Variants in G3BP2 observed in about 807,000 individuals in gnomAD.
The protein encoded by G3BP2 is G3BP stress granule assembly factor 2.
Under a neutral mutation model 56.7 loss-of-function variants are expected in G3BP2, and 11 were observed. That is an observed-to-expected ratio of 0.19 (90% CI 0.12 to 0.32). The LOEUF is 0.32. G3BP2 is among the 10% of genes least tolerant of loss of function. The pLI, the probability that G3BP2 is intolerant of heterozygous loss-of-function variation, is 1.00. For missense variants in G3BP2, 340 were observed against 610.9 expected (o/e 0.56, Z 4.67); for synonymous variants, 165 against 191.6 (o/e 0.86, Z 1.15).
intron 3 of G3BP2, among the ~76,000 whole-genome samples, chr4:75,699,958 C>A (rs1190965086): frequency 6.6e-6 from 1 of 151,748 alleles, no homozygotes; most frequent in African/African-American, 2.4e-5. Context: ...TTTTTTAGTT[C>A]TAATCATCGC....
intron 3 of G3BP2, among the ~76,000 whole-genome samples, chr4:75,686,490 G>A (rs1365022115): frequency 6.7e-6 from 1 of 149,346 alleles, no homozygotes; most frequent in Non-Finnish European, 1.5e-5. Context: ...GTGTAAGAAT[G>A]AGCCAGCGAA....
At chr4:75,706,926 C>T (rs1050093333) in intron 3 of G3BP2, among the ~76,000 whole-genome samples, 2 of 152,104 alleles carry the variant, frequency 1.3e-5, no homozygotes, top group African/African-American at 4.8e-5. Context: ...GGCTTGGTGG[C>T]TCATGCCTAT....
rs756683205 is a variant in G3BP2 at position 75,645,453 on chromosome 4, G to A, written c.1426C>T (p.Arg476Cys). 3 of 1,613,750 alleles carry A rather than the reference G, an allele frequency of 1.9e-6. No homozygotes were observed. Among genetic ancestry groups the A allele is most frequent in the Admixed American group, 1.7e-5 (1 of 59,984 alleles). ...SGRGTGQMEG[R>C]FTGQRR ...CTTCAGCGACGCTGTCCTGTGAAGC[G>A]GCCCTCCATTTGCCCGGTTCCTCTT... Residue 476 changes from arginine to cysteine, a missense_variant, in exon 12 of 12, where the codon CGC (arginine) becomes TGC (cysteine). Around this residue, in one of 4 missense-constraint regions of G3BP2, gnomAD observed 94 missense variants for 173.8 expected, o/e 0.54. Coordinates refer to ENST00000359707, the MANE Select transcript of G3BP2 (RefSeq NM_203505.3).
At chr4:75,664,171 C>A (rs1448911982) in intron 1 of G3BP2, among the ~76,000 whole-genome samples, 1 of 151,770 alleles carries the variant, frequency 6.6e-6, no homozygotes, top group African/African-American at 2.4e-5. Context: ...CGTGAGCCAC[C>A]GTGCCCAGCC....
At chr4:75,710,603 C>T (rs114331381) in intron 3 of G3BP2, among the ~76,000 whole-genome samples, 3,576 of 152,148 alleles carry the variant, frequency 0.024, 124 homozygotes, top group African/African-American at 0.081. Context: ...GCTCACTAGC[C>T]GCTTATTTAT....
intron 3 of G3BP2, among the ~76,000 whole-genome samples, chr4:75,707,074 C>G (rs961540889): frequency 3.1e-4 from 47 of 151,058 alleles, no homozygotes; most frequent in African/African-American, 1.1e-3. Context: ...TGCCTGTAAT[C>G]CCAGCTACTC....
chr4:75,685,306 G>A (rs1235134872), intron 3 of G3BP2, among the ~76,000 whole-genome samples: 2 of 151,860 alleles, frequency 1.3e-5, no homozygotes, highest in Non-Finnish European at 2.9e-5. Flanking sequence ...TTTGACACCA[G>A]CCTGGCCAAC....
At chr4:75,716,881 G>A (rs977844591) in intron 3 of G3BP2, among the ~76,000 whole-genome samples, 1 of 152,158 alleles carries the variant, frequency 6.6e-6, no homozygotes, top group Non-Finnish European at 1.5e-5. Flanking sequence ...GAAGCATCAG[G>A]GGACAGAGGC....
chr4:75,653,606 A>AC (rs397994039), intron 8 of G3BP2, among the ~76,000 whole-genome samples: 5 of 150,624 alleles, frequency 3.3e-5, no homozygotes, highest in Non-Finnish European at 5.9e-5. Context: ...AAAAAAAAAA[A>AC]CAAAAACGAT....
At chr4:75,709,390 A>C (rs1577898484) in intron 3 of G3BP2, among the ~76,000 whole-genome samples, 2 of 125,692 alleles carry the variant, frequency 1.6e-5, no homozygotes, top group African/African-American at 6.1e-5. Flanking sequence ...ACCACACTCC[A>C]GCCTGGGCAA....
chr4:75,715,269 T>A (rs1719890348), intron 3 of G3BP2, among the ~76,000 whole-genome samples: 1 of 151,156 alleles, frequency 6.6e-6, no homozygotes, highest in Admixed American at 6.7e-5. Flanking sequence ...GTTTTCAGTA[T>A]TCTGGTATAC....
chr4:75,705,335 A>G (rs1037089110), intron 3 of G3BP2, among the ~76,000 whole-genome samples: 2 of 152,232 alleles, frequency 1.3e-5, no homozygotes, highest in African/African-American at 4.8e-5. Context: ...CCACACAGAG[A>G]AACAAGAGGT....
intron 1 of G3BP2, among the ~76,000 whole-genome samples, chr4:75,671,358 A>G (rs1029648055): frequency 6.6e-6 from 1 of 152,246 alleles, no homozygotes; most frequent in Non-Finnish European, 1.5e-5. Context: ...ATAAACAGCG[A>G]TAATTTTGCA....
At chr4:75,695,246 C>T (rs1719054676) in intron 3 of G3BP2, among the ~76,000 whole-genome samples, 1 of 152,216 alleles carries the variant, frequency 6.6e-6, no homozygotes, top group South Asian at 2.1e-4. Flanking sequence ...TGGCTGCAGC[C>T]ACTCAGGTGC....
chr4:75,645,991 T>C (rs1204430228), intron 11 of G3BP2, among the ~76,000 whole-genome samples: 1 of 152,096 alleles, frequency 6.6e-6, no homozygotes, highest in Non-Finnish European at 1.5e-5. Flanking sequence ...TCTTTTTTTG[T>C]AGAGACAATG....
At chr4:75,674,718 ATTTTTTTTT>A (rs71203842), upstream of G3BP2, among the ~76,000 whole-genome samples, 161 of 71,342 alleles carry the variant, frequency 2.3e-3, 2 homozygotes, top group East Asian at 0.012. Context: ...ATATATATAT[ATTTTTTTTT>A]TTTTTTTTTT....
At chr4:75,720,831 AT>A (rs1339684176) in intron 3 of G3BP2, among the ~76,000 whole-genome samples, 6 of 149,716 alleles carry the variant, frequency 4.0e-5, no homozygotes, top group Non-Finnish European at 7.4e-5. Flanking sequence ...AAATAAATAA[AT>A]AAATAAATAA....
At chr4:75,667,506 A>C (rs560239128) in intron 1 of G3BP2, among the ~76,000 whole-genome samples, 1 of 152,192 alleles carries the variant, frequency 6.6e-6, no homozygotes, top group South Asian at 2.1e-4. Flanking sequence ...CTCACACAGG[A>C]ATGCACAGTG....
chr4:75,687,930 G>C (rs953150392), intron 3 of G3BP2, among the ~76,000 whole-genome samples: 19 of 152,354 alleles, frequency 1.2e-4, no homozygotes, highest in South Asian at 6.2e-4. Context: ...TTAGGAGGGT[G>C]TTAAGTTAAA....
Sources: allele counts gnomAD v4.1 joint callset (sites outside exome capture counted in the v4.1 genomes callset), GRCh38; gene constraint gnomAD v4.1.1; regional missense constraint gnomAD v4.1.1; transcripts MANE v1.5; gene names NCBI Gene and HGNC (gene_info 2026-07-23, HGNC 2026-07-21).